The following TIA1 variants were observed in gnomAD, a reference collection of about 807,000 sequenced individuals.
The protein encoded by TIA1 is cytotoxic granule associated RNA binding protein TIA1.
Under a neutral mutation model 65.9 loss-of-function variants are expected in TIA1, and 23 were observed. The observed-to-expected ratio is 0.35, with a 90% CI of 0.25 to 0.49. The LOEUF (loss-of-function observed/expected upper bound fraction) is 0.49. TIA1 is among the 20% of genes least tolerant of loss of function. The pLI is 0.98. For synonymous variants in TIA1, 147 were observed against 149.4 expected, an observed-to-expected ratio of 0.98 and a Z score of 0.12; for missense variants, 371 against 477.9, an observed-to-expected ratio of 0.78 and a Z score of 2.09.
chr2:70,248,734 G>A (rs1164747280), upstream of TIA1: 5 of 423,570 alleles, frequency 1.2e-5, no homozygotes, highest in African/African-American at 4.0e-5. Context: ...TTAATCCATA[G>A]GTTCACTTGT....
chr2:70,248,707 G>A (rs984862538), upstream of TIA1: 1 of 524,702 alleles, frequency 1.9e-6, no homozygotes, highest in Admixed American at 3.2e-5. Flanking sequence ...TCAACCTCCG[G>A]GCCGCCCGGC....
At chr2:70,239,906 A>T (rs573770888) in intron 1 of TIA1, among the ~76,000 whole-genome samples, 51 of 152,346 alleles carry the variant, frequency 3.3e-4, no homozygotes, top group African/African-American at 1.1e-3. Flanking sequence ...AGTGTAATCT[A>T]ATAGCTCTAG....
intron 2 of TIA1, among the ~76,000 whole-genome samples, chr2:70,231,503 C>G (rs2104464237): frequency 6.6e-6 from 1 of 151,610 alleles, no homozygotes; most frequent in South Asian, 2.1e-4. Context: ...TAGCTATTTT[C>G]TTCAACAGGT....
intron 6 of TIA1, chr2:70,224,838 T>C (rs1211609684): frequency 3.0e-6 from 4 of 1,311,788 alleles, no homozygotes; most frequent in Non-Finnish European, 3.9e-6. Context: ...AGTATATATG[T>C]ATATTTATAT....
At chr2:70,224,460 TAAAC>T in intron 7 of TIA1, 90 bp downstream of exon 7, 6 of 1,552,370 alleles carry the variant, frequency 3.9e-6, no homozygotes, top group Non-Finnish European at 5.3e-6. Context: ...ATCAGTAAAA[TAAAC>T]AGCAGACGAA....
At position 70,210,109 on chromosome 2, in the gene TIA1, TA is replaced by T. The variant is rs80309223; in HGVS notation, c.*2609del. 0.063 allele frequency: 10,467 copies of T among 165,746 alleles called. 381 individuals carry two copies. Among genetic ancestry groups the T allele is most frequent in the East Asian group, 0.17 (1,031 of 6,148 alleles). The allele number at this position is 165,746 out of a possible 1,614,324, so 10.3% of individuals were successfully genotyped here. The stretch of plus-strand genomic sequence containing the variant: ...TAAACCACTGATTCTGGAATAAGAT[TA>T]AAAAAAAAATACCTGAGTGAATATA... On this transcript the variant is annotated 3_prime_UTR_variant, in exon 13 of 13. Coordinates refer to ENST00000433529, the MANE Select transcript of TIA1 (RefSeq NM_022173.4).
chr2:70,238,260 GTTTTTTTTTTTTTTT>G (rs763865705), intron 1 of TIA1, among the ~76,000 whole-genome samples: 2 of 94,596 alleles, frequency 2.1e-5, no homozygotes, highest in Admixed American at 1.1e-4. Flanking sequence ...GTTCCCCCAA[GTTTTTTTTTTTTTTT>G]TTTTTTTTTT....
intron 1 of TIA1, among the ~76,000 whole-genome samples, chr2:70,244,442 C>A (rs1693321257): frequency 6.6e-6 from 1 of 152,140 alleles, no homozygotes; most frequent in African/African-American, 2.4e-5. Context: ...CTCAATATTA[C>A]TGAGTGAATG....
chr2:70,241,142 A>G (rs1356822053), intron 1 of TIA1, among the ~76,000 whole-genome samples: 1 of 152,092 alleles, frequency 6.6e-6, no homozygotes, highest in East Asian at 1.9e-4. Flanking sequence ...CTCCACTAAA[A>G]TATTTATTAA....
intron 6 of TIA1, chr2:70,224,972 G>T: frequency 9.7e-7 from 1 of 1,033,950 alleles, no homozygotes. Context: ...TAGATGAATG[G>T]CTTTCTTTAA....
At chr2:70,231,902 C>G (rs1435860701) in intron 2 of TIA1, among the ~76,000 whole-genome samples, 1 of 152,068 alleles carries the variant, frequency 6.6e-6, no homozygotes, top group Non-Finnish European at 1.5e-5. Context: ...GCTCAGAAGC[C>G]TTTAAAAAAT....
chr2:70,230,698 T>G, intron 3 of TIA1, 58 bp downstream of exon 3: 1 of 1,211,660 alleles, frequency 8.3e-7, no homozygotes, highest in Non-Finnish European at 1.2e-6. Flanking sequence ...GGAAACAAAA[T>G]CATATATAAC....
intron 2 of TIA1, among the ~76,000 whole-genome samples, chr2:70,232,826 G>T (rs1026477935): frequency 6.6e-6 from 1 of 151,812 alleles, no homozygotes; most frequent in African/African-American, 2.4e-5. Flanking sequence ...CCAAGATGGT[G>T]CCACTGGATT....
At chr2:70,229,937 C>CA (rs1338080935) in intron 3 of TIA1, among the ~76,000 whole-genome samples, 2,958 of 117,740 alleles carry the variant, frequency 0.025, 89 homozygotes, top group African/African-American at 0.08. Flanking sequence ...GATTCCATCT[C>CA]AAAAAAAAAA....
At chr2:70,217,026 A>G (rs767310775) in intron 7 of TIA1, 32 bp from the exon 8 acceptor site, 1 of 1,578,830 alleles carries the variant, frequency 6.3e-7, no homozygotes. Flanking sequence ...ACAATAAAGA[A>G]GTCACTATTA....
intron 6 of TIA1, among the ~76,000 whole-genome samples, chr2:70,226,879 C>T (rs970300637): frequency 6.6e-6 from 1 of 152,100 alleles, no homozygotes; most frequent in South Asian, 2.1e-4. Flanking sequence ...AATCAAGGAA[C>T]GATAACTCTT....
intron 7 of TIA1, among the ~76,000 whole-genome samples, chr2:70,222,803 ACTTGGGAGGCTGAG>A (rs1322301744): frequency 6.6e-6 from 1 of 152,166 alleles, no homozygotes; most frequent in Non-Finnish European, 1.5e-5. Context: ...AATCCCAGCT[ACTTGGGAGGCTGAG>A]GCAGAAGAAT....
At chr2:70,224,720 A>G in intron 6 of TIA1, 91 bp from the exon 7 acceptor site, 1 of 1,533,054 alleles carries the variant, frequency 6.5e-7, no homozygotes, top group Non-Finnish European at 8.8e-7. Flanking sequence ...CTCATGTTTC[A>G]CCTTCATTAA....
intron 1 of TIA1, among the ~76,000 whole-genome samples, chr2:70,247,275 C>G (rs2104819922): frequency 6.6e-6 from 1 of 152,252 alleles, no homozygotes; most frequent in African/African-American, 2.4e-5. Flanking sequence ...CAAGTGTAAC[C>G]ACATTTCCAA....
Sources: allele counts gnomAD v4.1 joint callset (sites outside exome capture counted in the v4.1 genomes callset), GRCh38; gene constraint gnomAD v4.1.1; transcripts MANE v1.5; gene names NCBI Gene and HGNC (gene_info 2026-07-23, HGNC 2026-07-21).